Variants in AP4S1 observed in about 807,000 individuals in gnomAD.
The protein encoded by AP4S1 is AP-4 complex subunit sigma-1.
In AP4S1, 23 loss-of-function variants were observed where a neutral mutation model predicts 19.8. That is an observed-to-expected ratio of 1.16 (90% confidence interval 0.84 to 1.65). AP4S1 has a LOEUF of 1.65. AP4S1 is among the 40% of genes most tolerant of loss of function. The probability of loss-of-function intolerance (pLI) is 0.00; values close to 1 mark genes in which losing one functional copy is unlikely to be tolerated. For missense variants in AP4S1, 166 were observed against 172.8 expected (o/e 0.96, Z 0.22); for synonymous variants, 46 against 54.1 (o/e 0.85, Z 0.66).
intron 4 of AP4S1, among the ~76,000 whole-genome samples, chr14:31,074,356 TAAA>T (rs745574233): frequency 1.7e-5 from 2 of 120,006 alleles, no homozygotes; most frequent in Non-Finnish European, 3.6e-5. Flanking sequence ...AATAAATAAA[TAAA>T]TAAATAAAGT....
At chr14:31,052,529 A>G (rs1885854484) in intron 1 of AP4S1, among the ~76,000 whole-genome samples, 4 of 152,054 alleles carry the variant, frequency 2.6e-5, no homozygotes, top group African/African-American at 9.7e-5. Flanking sequence ...GTTCGAGACC[A>G]GCCTGGCCAA....
At chr14:31,080,515 A>C in intron 4 of AP4S1, 58 bp from the exon 5 acceptor site, 1 of 1,422,640 alleles carries the variant, frequency 7.0e-7, no homozygotes, top group Non-Finnish European at 9.9e-7. Flanking sequence ...GACTCTGCTA[A>C]GAGCAGTGGT....
At chr14:31,081,220 CA>C (rs1198172996) in intron 5 of AP4S1, among the ~76,000 whole-genome samples, 1 of 151,942 alleles carries the variant, frequency 6.6e-6, no homozygotes, top group Non-Finnish European at 1.5e-5. Context: ...ATAACACAGC[CA>C]AAAAAGTGTT....
At chr14:31,071,238 T>G (rs1476988749) in intron 3 of AP4S1, among the ~76,000 whole-genome samples, 1 of 152,200 alleles carries the variant, frequency 6.6e-6, no homozygotes, top group Non-Finnish European at 1.5e-5. Context: ...TTTGTTGTTT[T>G]TTATCCATGA....
chr14:31,035,478 A>G (rs967207188), intron 1 of AP4S1, among the ~76,000 whole-genome samples: 3 of 151,954 alleles, frequency 2.0e-5, no homozygotes, highest in African/African-American at 7.2e-5. Flanking sequence ...GGTGTAAGCA[A>G]CCACGCCCAG....
At chr14:31,039,595 C>A (rs1308944612) in intron 1 of AP4S1, among the ~76,000 whole-genome samples, 5 of 124,000 alleles carry the variant, frequency 4.0e-5, no homozygotes, top group Admixed American at 2.4e-4. Flanking sequence ...TTTTTTGAGA[C>A]GGAGTTTCGC....
intron 1 of AP4S1, among the ~76,000 whole-genome samples, chr14:31,060,030 T>G (rs1016243501): frequency 5.4e-5 from 8 of 147,268 alleles, no homozygotes; most frequent in Non-Finnish European, 8.9e-5. Context: ...TATATATTTA[T>G]GTATATATGT....
At chr14:31,068,323 A>G (rs1293407993) in intron 2 of AP4S1, among the ~76,000 whole-genome samples, 3 of 152,268 alleles carry the variant, frequency 2.0e-5, no homozygotes, top group South Asian at 2.1e-4. Flanking sequence ...ATTTCACTGC[A>G]TAATGGGCTG....
At chr14:31,056,141 G>A (rs1886101928) in intron 1 of AP4S1, among the ~76,000 whole-genome samples, 2 of 150,814 alleles carry the variant, frequency 1.3e-5, no homozygotes, top group Admixed American at 6.6e-5. Context: ...CACTGTGCCC[G>A]GCCTTATCAT....
chr14:31,088,074 T>C (rs1184847964), intron 5 of AP4S1, among the ~76,000 whole-genome samples: 1 of 152,100 alleles, frequency 6.6e-6, no homozygotes, highest in African/African-American at 2.4e-5. Flanking sequence ...AGGGCCATGG[T>C]GGGTGATGAG....
intron 4 of AP4S1, among the ~76,000 whole-genome samples, chr14:31,077,572 C>T (rs1244319624): frequency 6.6e-6 from 1 of 152,254 alleles, no homozygotes; most frequent in Non-Finnish European, 1.5e-5. Flanking sequence ...TGGGCCCCAT[C>T]CCAGACCATT....
rs192143149 is a variant in AP4S1, at chr14:31,086,684, G to A, written c.306+6100G>A. Among the ~76,000 whole-genome samples, 77 of 152,158 alleles carry A rather than the reference G, an allele frequency of 5.1e-4. 1 individual carries two copies. Among genetic ancestry groups the A allele is most frequent in the African/African-American group, 1.4e-3 (59 of 41,520 alleles). ...GCCCCCTTTGGCCTCCCAAAGTGCT[G>A]GGATTATAGGCATGAGCCACCACGC... On this transcript the variant is annotated intron_variant, in intron 5 of 5. Coordinates refer to ENST00000542754, the MANE Select transcript of AP4S1 (RefSeq NM_001128126.3).
intron 1 of AP4S1, among the ~76,000 whole-genome samples, chr14:31,056,966 TG>T (rs1886155555): frequency 6.6e-6 from 1 of 151,976 alleles, no homozygotes; most frequent in South Asian, 2.1e-4. Flanking sequence ...CCCAGCTACT[TG>T]GGGGGCTGAG....
At chr14:31,092,753 T>A (rs1888108885) in intron 5 of AP4S1, among the ~76,000 whole-genome samples, 154 bp from the exon 6 acceptor site, 1 of 152,224 alleles carries the variant, frequency 6.6e-6, no homozygotes, top group African/African-American at 2.4e-5. Flanking sequence ...ATTTCTAATA[T>A]GGATGCCAGT....
intron 5 of AP4S1, among the ~76,000 whole-genome samples, chr14:31,088,660 T>C (rs1246857831): frequency 6.6e-6 from 1 of 151,596 alleles, no homozygotes; most frequent in Non-Finnish European, 1.5e-5. Flanking sequence ...ATACAAAAAT[T>C]AGCGGGGCGT....
At chr14:31,072,025 G>A (rs1358913364) in intron 3 of AP4S1, among the ~76,000 whole-genome samples, 3 of 150,900 alleles carry the variant, frequency 2.0e-5, no homozygotes, top group African/African-American at 2.4e-5. Context: ...AGGTTCAAGT[G>A]ATCCTCCTAG....
intron 1 of AP4S1, among the ~76,000 whole-genome samples, chr14:31,057,527 C>G (rs1886186662): frequency 6.6e-6 from 1 of 152,208 alleles, no homozygotes; most frequent in Non-Finnish European, 1.5e-5. Flanking sequence ...TCTTCAATCT[C>G]TCTTTTCTCT....
chr14:31,049,713 G>A (rs1213775690), intron 1 of AP4S1, among the ~76,000 whole-genome samples: 1 of 151,600 alleles, frequency 6.6e-6, no homozygotes, highest in Non-Finnish European at 1.5e-5. Context: ...CTGGAGTACA[G>A]TGGCACAATC....
At chr14:31,079,502 TGTG>T in intron 4 of AP4S1, among the ~76,000 whole-genome samples, 1 of 152,070 alleles carries the variant, frequency 6.6e-6, no homozygotes, top group South Asian at 2.1e-4. Flanking sequence ...TCAATATTGC[TGTG>T]AACCTAAAAC....
Sources: gnomAD v4.1 joint callset for allele counts (sites outside exome capture counted in the v4.1 genomes callset) on GRCh38, gnomAD v4.1.1 for gene constraint, MANE v1.5 for transcripts, NCBI Gene and HGNC (gene_info 2026-07-23, HGNC 2026-07-21) for gene names.